SEMA3C: variants seen among roughly 807,000 people sequenced by gnomAD.
SEMA3C encodes semaphorin-3C.
SEMA3C carries 47 observed loss-of-function variants against 89.4 expected under a neutral mutation model. That is an observed-to-expected ratio of 0.53 (90% CI 0.42 to 0.67). The LOEUF (loss-of-function observed/expected upper bound fraction) is 0.67, where lower values mean the gene tolerates loss of function less well. Among genes scored for constraint, SEMA3C ranks in the 30% least tolerant of loss-of-function variants. The probability of loss-of-function intolerance (pLI) is 0.00; values close to 1 mark genes in which losing one functional copy is unlikely to be tolerated. For synonymous variants in SEMA3C, 310 were observed against 320.2 expected (o/e 0.97, Z 0.34); for missense variants, 839 against 929.1 (o/e 0.90, Z 1.26).
intron 2 of SEMA3C, among the ~76,000 whole-genome samples, chr7:80,908,453 C>T (rs887038967): frequency 6.6e-6 from 1 of 152,150 alleles, no homozygotes. Context: ...TTAAAGACTA[C>T]ATTTCATATG....
chr7:80,791,592 G>A (rs1182606948), intron 11 of SEMA3C, among the ~76,000 whole-genome samples: 3 of 152,156 alleles, frequency 2.0e-5, no homozygotes, highest in Admixed American at 1.3e-4. Flanking sequence ...GGGGAGTTAC[G>A]TGTTATCCAA....
chr7:80,755,653 TAGAG>T (rs1384728741), intron 15 of SEMA3C, among the ~76,000 whole-genome samples: 4 of 152,068 alleles, frequency 2.6e-5, no homozygotes, highest in Admixed American at 6.6e-5. Flanking sequence ...TTGCAGGTGT[TAGAG>T]AGGCAAATTT....
intron 12 of SEMA3C, among the ~76,000 whole-genome samples, chr7:80,769,773 C>T (rs894461038): frequency 8.2e-5 from 12 of 145,504 alleles, no homozygotes; most frequent in African/African-American, 1.3e-4. Flanking sequence ...GCATGAGAAT[C>T]GCTCGAACCT....
intron 2 of SEMA3C, among the ~76,000 whole-genome samples, chr7:80,832,308 G>C (rs1353861777): frequency 2.7e-4 from 41 of 152,246 alleles, no homozygotes; most frequent in Non-Finnish European, 4.4e-5. Flanking sequence ...GCTCATTTCT[G>C]TTTTAATTTC....
intron 15 of SEMA3C, among the ~76,000 whole-genome samples, chr7:80,752,127 T>C (rs1279037700): frequency 6.6e-6 from 1 of 152,190 alleles, no homozygotes; most frequent in Non-Finnish European, 1.5e-5. Context: ...TCAACGACAA[T>C]ATTTCAACAT....
intron 2 of SEMA3C, chr7:80,847,268 A>T (rs2115914551): frequency 6.6e-6 from 1 of 152,308 alleles, no homozygotes; most frequent in South Asian, 2.1e-4. Context: ...ACCACAGAGC[A>T]AATTTGATGA....
intron 2 of SEMA3C, among the ~76,000 whole-genome samples, chr7:80,843,484 C>T (rs556416578): frequency 6.6e-6 from 1 of 152,144 alleles, no homozygotes; most frequent in South Asian, 2.1e-4. Context: ...TGGCTTTAGG[C>T]AACTTACTTA....
At chr7:80,812,309 G>A (rs1562886580) in intron 5 of SEMA3C, among the ~76,000 whole-genome samples, 1 of 152,126 alleles carries the variant, frequency 6.6e-6, no homozygotes, top group Non-Finnish European at 1.5e-5. Context: ...CACTCTACAG[G>A]TGATGAAAAA....
intron 2 of SEMA3C, among the ~76,000 whole-genome samples, chr7:80,890,837 T>G (rs1215174166): frequency 1.3e-5 from 2 of 152,218 alleles, no homozygotes; most frequent in African/African-American, 4.8e-5. Flanking sequence ...AACTGATGCA[T>G]CATCTGGCTA....
chr7:80,866,481 G>GCAAAAAAT (rs1347197947), intron 2 of SEMA3C, among the ~76,000 whole-genome samples: 8 of 151,504 alleles, frequency 5.3e-5, no homozygotes, highest in African/African-American at 1.9e-4. Flanking sequence ...ATAAGACAGG[G>GCAAAAAAT]CAAAAAATAA....
intron 17 of SEMA3C, 88 bp downstream of exon 17, chr7:80,748,810 T>C: frequency 1.5e-6 from 2 of 1,335,440 alleles, no homozygotes; most frequent in Non-Finnish European, 2.0e-6. Flanking sequence ...GCCTTTCCTT[T>C]TTCCTTTGAT....
intron 2 of SEMA3C, among the ~76,000 whole-genome samples, chr7:80,878,165 G>A (rs1791244893): frequency 1.3e-5 from 2 of 152,128 alleles, no homozygotes; most frequent in African/African-American, 2.4e-5. Context: ...ATCACCTGAG[G>A]TCGGGAGTTT....
chr7:80,827,021 T>C (rs1409655279), intron 4 of SEMA3C, among the ~76,000 whole-genome samples: 1 of 152,146 alleles, frequency 6.6e-6, no homozygotes, highest in African/African-American at 2.4e-5. Context: ...TGGAATTTGC[T>C]GGCTAACCAC....
At chr7:80,797,085 C>T (rs1199587147) in intron 11 of SEMA3C, among the ~76,000 whole-genome samples, 1 of 152,026 alleles carries the variant, frequency 6.6e-6, no homozygotes, top group African/African-American at 2.4e-5. Flanking sequence ...ACCTTGTTTA[C>T]ATAAATGTAT....
chr7:80,755,986 G>A (rs1006719759), intron 15 of SEMA3C, among the ~76,000 whole-genome samples: 9 of 152,058 alleles, frequency 5.9e-5, no homozygotes, highest in African/African-American at 1.4e-4. Context: ...ACGCATCTAC[G>A]AGACTCCTGG....
At chr7:80,791,058 T>C (rs190263336) in intron 11 of SEMA3C, among the ~76,000 whole-genome samples, 2 of 152,152 alleles carry the variant, frequency 1.3e-5, no homozygotes, top group Admixed American at 1.3e-4. Flanking sequence ...GCCTCAATTC[T>C]GGCCAGGAGG....
At chr7:80,817,101 G>T (rs1789625753) in intron 5 of SEMA3C, among the ~76,000 whole-genome samples, 1 of 152,096 alleles carries the variant, frequency 6.6e-6, no homozygotes, top group African/African-American at 2.4e-5. Context: ...CTTCCAAAAA[G>T]CATAACTTTA....
intron 4 of SEMA3C, among the ~76,000 whole-genome samples, chr7:80,826,728 T>C (rs2115805635): frequency 6.6e-6 from 1 of 152,322 alleles, no homozygotes; most frequent in Admixed American, 6.5e-5. Flanking sequence ...AGATGACTTA[T>C]GTGCTCCATT....
At chr7:80,806,027 A>G (rs574858585) in intron 6 of SEMA3C, among the ~76,000 whole-genome samples, 1 of 152,108 alleles carries the variant, frequency 6.6e-6, no homozygotes, top group Admixed American at 6.5e-5. Context: ...GAGTTCCTCT[A>G]CCTGTACTTA....
Sources: gnomAD v4.1 joint callset for allele counts (sites outside exome capture counted in the v4.1 genomes callset) on GRCh38, gnomAD v4.1.1 for gene constraint, MANE v1.5 for transcripts, NCBI Gene and HGNC (gene_info 2026-07-23, HGNC 2026-07-21) for gene names.